The following RANBP2 variants were observed in gnomAD, a reference collection of about 807,000 sequenced individuals.
RANBP2 encodes the protein E3 SUMO-protein ligase RanBP2.
Under a neutral mutation model 303.6 loss-of-function variants are expected in RANBP2, and 57 were observed. The ratio of observed to expected loss-of-function variants is 0.19; its 90% CI spans 0.15 to 0.23. RANBP2 has a LOEUF of 0.23. Ranked by LOEUF, RANBP2 falls within the 10% of genes least tolerant of loss-of-function variation. RANBP2 has a pLI of 1.00. For synonymous variants in RANBP2, 1,167 were observed against 1,301.5 expected, an observed-to-expected ratio of 0.90 and a Z score of 2.23; for missense variants, 3,138 against 3,780.8, an observed-to-expected ratio of 0.83 and a Z score of 4.46.
the RANBP2 span, among the ~76,000 whole-genome samples, chr2:109,580,738 T>C: frequency 2.0e-5 from 3 of 152,178 alleles, no homozygotes; most frequent in Admixed American, 6.5e-5. Context: ...AAAAAAGGTT[T>C]TAAAACACTG....
chr2:109,613,901 G>A, the RANBP2 span: 1 of 1,229,070 alleles, frequency 8.1e-7, no homozygotes, highest in Non-Finnish European at 1.0e-6. Flanking sequence ...GACGGCGGCG[G>A]GAAGGCCGGA....
the RANBP2 span, among the ~76,000 whole-genome samples, chr2:109,134,556 G>T: frequency 6.6e-6 from 1 of 152,202 alleles, no homozygotes; most frequent in Admixed American, 6.5e-5. Flanking sequence ...GGGTTGAGCG[G>T]TGTTTTAAGT....
the RANBP2 span, among the ~76,000 whole-genome samples, chr2:109,360,489 C>T: frequency 6.6e-6 from 1 of 152,112 alleles, no homozygotes; most frequent in Non-Finnish European, 1.5e-5. Flanking sequence ...ATATATAAAA[C>T]ACAAATGAAT....
rs1695490835 is a variant in RANBP2, at chr2:108,735,401, T to C, written c.406-131T>C. On this transcript the variant is annotated intron_variant, in intron 4 of 28. Coordinates refer to ENST00000283195, the MANE Select transcript of RANBP2 (RefSeq NM_006267.5). Reference sequence around the variant, plus strand: ...CAACTCTCAGAAGGGATGAATAAGGTATATAGGATGGTGTTTTTGGTGGCA... The same window carrying C: ...CAACTCTCAGAAGGGATGAATAAGGCATATAGGATGGTGTTTTTGGTGGCA... 31 of 1,550,720 alleles carry C rather than the reference T, an allele frequency of 2.0e-5. No individual in the cohort carries two copies. The South Asian group carries it at 2.7e-4, about 14-fold the overall frequency.
the RANBP2 span, among the ~76,000 whole-genome samples, chr2:109,469,264 T>G: frequency 3.9e-5 from 6 of 152,230 alleles, no homozygotes; most frequent in Non-Finnish European, 7.3e-5. Context: ...GGGAAGGGCC[T>G]GGATCTAACA....
the RANBP2 span, among the ~76,000 whole-genome samples, chr2:109,050,306 T>C: frequency 6.6e-6 from 1 of 152,006 alleles, no homozygotes; most frequent in Non-Finnish European, 1.5e-5. Flanking sequence ...TAGGCTAGAG[T>C]ACAGTGGTGC....
the RANBP2 span, among the ~76,000 whole-genome samples, chr2:109,299,437 A>T: frequency 9.9e-5 from 15 of 151,952 alleles, no homozygotes; most frequent in Non-Finnish European, 1.8e-4. Context: ...AGATCACCCT[A>T]AGGGTGATCT....
chr2:108,901,841 C>T, the RANBP2 span, among the ~76,000 whole-genome samples: 10 of 152,318 alleles, frequency 6.6e-5, no homozygotes, highest in East Asian at 5.8e-4. Context: ...CGGTGGCTCA[C>T]GCCTGTAATC....
chr2:109,189,093 T>C, the RANBP2 span, among the ~76,000 whole-genome samples: 1 of 152,060 alleles, frequency 6.6e-6, no homozygotes, highest in African/African-American at 2.4e-5. Context: ...GAAGCCACTC[T>C]CTGAGAGAGA....
At chr2:109,254,089 T>C in the RANBP2 span, among the ~76,000 whole-genome samples, 4 of 152,110 alleles carry the variant, frequency 2.6e-5, no homozygotes, top group Non-Finnish European at 4.4e-5. Flanking sequence ...CACATGAGAA[T>C]TTCCCTGGGC....
At chr2:109,287,566 G>A in the RANBP2 span, among the ~76,000 whole-genome samples, 2 of 152,200 alleles carry the variant, frequency 1.3e-5, no homozygotes, top group Admixed American at 6.5e-5. Flanking sequence ...GACCCTGTTG[G>A]TGCTGGAGAC....
the RANBP2 span, among the ~76,000 whole-genome samples, chr2:109,340,222 G>A: frequency 1.3e-5 from 2 of 152,160 alleles, no homozygotes; most frequent in African/African-American, 4.8e-5. Flanking sequence ...CAAGTTACTG[G>A]ACCTCACTGT....
chr2:108,812,947 T>C, the RANBP2 span: 4 of 1,609,372 alleles, frequency 2.5e-6, no homozygotes, highest in Non-Finnish European at 3.4e-6. Flanking sequence ...AATTATGATT[T>C]GATATGATTG....
chr2:109,557,370 A>C, the RANBP2 span, among the ~76,000 whole-genome samples: 1 of 152,186 alleles, frequency 6.6e-6, no homozygotes, highest in African/African-American at 2.4e-5. Context: ...CTTTATGTTG[A>C]CTATTTAATT....
chr2:109,329,723 G>T, the RANBP2 span, among the ~76,000 whole-genome samples: 1 of 152,232 alleles, frequency 6.6e-6, no homozygotes, highest in Non-Finnish European at 1.5e-5. Context: ...CAGGAGGAAG[G>T]TGAAATGAAT....
chr2:109,412,483 T>C, the RANBP2 span, among the ~76,000 whole-genome samples: 1 of 152,196 alleles, frequency 6.6e-6, no homozygotes, highest in Non-Finnish European at 1.5e-5. Context: ...GCAGGACCAG[T>C]GCGTGCCTAT....
At chr2:109,033,127 C>A in the RANBP2 span, among the ~76,000 whole-genome samples, 3 of 152,200 alleles carry the variant, frequency 2.0e-5, no homozygotes, top group East Asian at 5.8e-4. Flanking sequence ...CATTACTCAG[C>A]CAGACACTTC....
the RANBP2 span, among the ~76,000 whole-genome samples, chr2:109,340,118 C>T: frequency 2.6e-5 from 4 of 152,128 alleles, no homozygotes; most frequent in Non-Finnish European, 4.4e-5. Context: ...TAAATAATGG[C>T]TGAGTTACTT....
chr2:109,664,332 A>G, the RANBP2 span, among the ~76,000 whole-genome samples: 4 of 152,206 alleles, frequency 2.6e-5, no homozygotes, highest in Non-Finnish European at 1.5e-5. Context: ...TTGGCCAGGC[A>G]CAGTGACTCA....
Sources: allele counts gnomAD v4.1 joint callset (sites outside exome capture counted in the v4.1 genomes callset), GRCh38; gene constraint gnomAD v4.1.1; transcripts MANE v1.5; gene names NCBI Gene and HGNC (gene_info 2026-07-23, HGNC 2026-07-21).